The following STK32B variants were observed in gnomAD, a reference collection of about 807,000 sequenced individuals.
STK32B encodes serine/threonine-protein kinase 32B.
Under a neutral mutation model 52.6 loss-of-function variants are expected in STK32B, and 43 were observed. The ratio of observed to expected loss-of-function variants is 0.82; its 90% CI spans 0.64 to 1.05. The LOEUF (loss-of-function observed/expected upper bound fraction) is 1.05, where lower values mean the gene tolerates loss of function less well. Ranked by LOEUF, STK32B falls within the 50% of genes least tolerant of loss-of-function variation. The probability of loss-of-function intolerance (pLI) is 0.00; values close to 1 mark genes in which losing one functional copy is unlikely to be tolerated. For missense variants in STK32B, 621 were observed against 534.6 expected (o/e 1.16, Z -1.59); for synonymous variants, 238 against 204.3 (o/e 1.17, Z -1.41).
At chr4:5,120,452 A>G (rs546790586) in intron 1 of STK32B, among the ~76,000 whole-genome samples, 1 of 152,182 alleles carries the variant, frequency 6.6e-6, no homozygotes, top group Non-Finnish European at 1.5e-5. Context: ...TACTGTTATA[A>G]TTTTTCCATA....
chr4:5,245,806 G>T (rs1165922635), intron 3 of STK32B, among the ~76,000 whole-genome samples: 1 of 152,172 alleles, frequency 6.6e-6, no homozygotes, highest in Non-Finnish European at 1.5e-5. Context: ...TGTCTGTAAA[G>T]TATTTTATTT....
intron 3 of STK32B, among the ~76,000 whole-genome samples, chr4:5,195,695 A>C (rs1221722115): frequency 6.6e-6 from 1 of 152,150 alleles, no homozygotes; most frequent in Non-Finnish European, 1.5e-5. Flanking sequence ...CGTCTCAAAG[A>C]ATATTGGAAA....
rs1370808414 is a variant in STK32B at position 5,460,714 on chromosome 4, T to TG, written c.909+489dup. 2.6e-5 allele frequency among the ~76,000 whole-genome samples: 4 copies of TG among 152,184 alleles called. No individual in the cohort carries two copies. Among genetic ancestry groups the TG allele is most frequent in the African/African-American group, 9.7e-5 (4 of 41,448 alleles). On this transcript the variant is annotated intron_variant, in intron 9 of 11. Transcript: ENST00000282908. This position sits in a 1 kb window ranked among gnomAD's most constrained non-coding sequence, Gnocchi z 4.8. ...AGTGAGGGAACCAGGACTGCAGGGA[T>TG]GGGCACTGAGCCTTCCAGGCAAAGG...
At chr4:5,168,732 G>C (rs919891916) in intron 3 of STK32B, among the ~76,000 whole-genome samples, 1 of 152,208 alleles carries the variant, frequency 6.6e-6, no homozygotes, top group African/African-American at 2.4e-5. Context: ...CGTTATAAGA[G>C]AATGCCGAAG....
At chr4:5,361,607 C>T (rs1734554347) in intron 4 of STK32B, among the ~76,000 whole-genome samples, 1 of 152,194 alleles carries the variant, frequency 6.6e-6, no homozygotes, top group South Asian at 2.1e-4. Flanking sequence ...TGAAGTGATC[C>T]TCCGACCAAG....
chr4:5,223,785 C>T (rs1370121431), intron 3 of STK32B, among the ~76,000 whole-genome samples: 1 of 148,672 alleles, frequency 6.7e-6, no homozygotes, highest in African/African-American at 2.5e-5. Context: ...CCACTGCATT[C>T]CAGCCTGGGA....
chr4:5,100,861 C>T (rs1040297782), intron 1 of STK32B, among the ~76,000 whole-genome samples: 1 of 139,896 alleles, frequency 7.1e-6, no homozygotes, highest in South Asian at 2.3e-4. Context: ...TCTTTCTTTC[C>T]TCTCCTTCCT....
At chr4:5,456,726 C>T (rs1327335804) in intron 7 of STK32B, 81 bp from the exon 8 acceptor site, 1 of 1,238,090 alleles carries the variant, frequency 8.1e-7, no homozygotes, top group African/African-American at 1.5e-5. Context: ...AACCATCCCT[C>T]ATAATCATAC....
At chr4:5,442,700 T>C (rs866109716) in intron 6 of STK32B, among the ~76,000 whole-genome samples, 6 of 152,268 alleles carry the variant, frequency 3.9e-5, no homozygotes, top group South Asian at 2.1e-4. Context: ...TTCCTAGTCT[T>C]GATGGTCTTT....
chr4:5,168,887 A>G (rs150814241), intron 3 of STK32B, among the ~76,000 whole-genome samples: 437 of 152,306 alleles, frequency 2.9e-3, no homozygotes, highest in African/African-American at 9.6e-3. Context: ...GGAATTCTCT[A>G]TCCTGCCCCC....
At chr4:5,421,197 C>G (rs1052935842) in intron 6 of STK32B, among the ~76,000 whole-genome samples, 1 of 152,200 alleles carries the variant, frequency 6.6e-6, no homozygotes, top group Non-Finnish European at 1.5e-5. Context: ...TCATGCCATT[C>G]TCCTGCCTTA....
the STK32B span, among the ~76,000 whole-genome samples, chr4:5,032,476 CAAAAAAAAAAA>C: frequency 4.0e-5 from 2 of 49,696 alleles, no homozygotes; most frequent in East Asian, 9.6e-4. Context: ...GACTCCATCT[CAAAAAAAAAAA>C]AAAAAAAAAA....
chr4:5,340,763 A>G (rs1010424700), intron 4 of STK32B, among the ~76,000 whole-genome samples: 1 of 152,232 alleles, frequency 6.6e-6, no homozygotes, highest in Non-Finnish European at 1.5e-5. Context: ...ACATATACAT[A>G]CATGTGTTTG....
chr4:5,121,322 A>G lies in STK32B; in HGVS notation c.53-18583A>G, dbSNP rs771024862. ...ATTTTCTTTATTCACTCCTTGGTCA[A>G]TGGGCATTTAGGTTGGTTCCATTTC... On this transcript the variant is annotated intron_variant, in intron 1 of 11. Transcript: ENST00000282908. 9.2e-5 allele frequency among the ~76,000 whole-genome samples: 14 copies of G among 152,172 alleles called. No homozygotes were observed. The East Asian group carries it at 1.2e-3, about 13-fold the overall frequency.
intron 3 of STK32B, among the ~76,000 whole-genome samples, chr4:5,230,539 A>G (rs1386369984): frequency 6.6e-6 from 1 of 152,008 alleles, no homozygotes; most frequent in Non-Finnish European, 1.5e-5. Flanking sequence ...CCTGTGGAGA[A>G]CTCCACTCTA....
chr4:5,367,860 T>C (rs1440345482), intron 4 of STK32B, among the ~76,000 whole-genome samples: 1 of 152,168 alleles, frequency 6.6e-6, no homozygotes, highest in Admixed American at 6.5e-5. Context: ...TCTAGTCCAG[T>C]TTAAAACTCC....
chr4:5,120,893 TATA>T (rs779746543), intron 1 of STK32B, among the ~76,000 whole-genome samples: 1 of 151,606 alleles, frequency 6.6e-6, no homozygotes, highest in African/African-American at 2.4e-5. Flanking sequence ...ATTATAAAAT[TATA>T]ATATATTTTC....
intron 3 of STK32B, among the ~76,000 whole-genome samples, chr4:5,268,186 T>G (rs1057461561): frequency 7.9e-5 from 12 of 152,184 alleles, no homozygotes; most frequent in African/African-American, 2.9e-4. Flanking sequence ...TTTCTTTGTG[T>G]GTTTGGGCAC....
At chr4:5,401,716 A>G (rs933753799) in intron 5 of STK32B, among the ~76,000 whole-genome samples, 1 of 152,232 alleles carries the variant, frequency 6.6e-6, no homozygotes, top group African/African-American at 2.4e-5. Context: ...AGATCAAGAC[A>G]ATGGGGAATT....
Sources: allele counts gnomAD v4.1 joint callset (sites outside exome capture counted in the v4.1 genomes callset), GRCh38; gene constraint gnomAD v4.1.1; non-coding constraint Gnocchi (gnomAD v3.1); transcripts MANE v1.5; gene names NCBI Gene and HGNC (gene_info 2026-07-23, HGNC 2026-07-21).